The following PIBF1 variants were observed in gnomAD, a reference collection of about 807,000 sequenced individuals.
PIBF1 encodes progesterone-induced-blocking factor 1.
PIBF1 carries 90 observed loss-of-function variants against 112.5 expected under a neutral mutation model. The ratio of observed to expected loss-of-function variants is 0.80; its 90% CI spans 0.67 to 0.95. The LOEUF is 0.95. Among genes scored for constraint, PIBF1 ranks in the 40% least tolerant of loss-of-function variants. The pLI is 0.00. For synonymous variants in PIBF1, 301 were observed against 288.6 expected, an observed-to-expected ratio of 1.04 and a Z score of -0.44; for missense variants, 915 against 852.3, an observed-to-expected ratio of 1.07 and a Z score of -0.92.
chr13:72,880,212 A>G (rs1452749058), intron 10 of PIBF1, among the ~76,000 whole-genome samples: 7 of 152,210 alleles, frequency 4.6e-5, no homozygotes, highest in Non-Finnish European at 1.0e-4. Flanking sequence ...GTTTCTTGGT[A>G]AGGATAAGAT....
chr13:72,845,152 C>A (rs1003875030), intron 9 of PIBF1, among the ~76,000 whole-genome samples: 1 of 151,864 alleles, frequency 6.6e-6, no homozygotes, highest in African/African-American at 2.4e-5. Context: ...CCCCCACCCC[C>A]AAGTTGGCTC....
intron 2 of PIBF1, among the ~76,000 whole-genome samples, chr13:72,790,550 GATAGATAGA>G (rs1566272120): frequency 8.9e-5 from 12 of 135,400 alleles, no homozygotes; most frequent in African/African-American, 3.1e-4. Context: ...TAGATAGATA[GATAGATAGA>G]TAGATAAATC....
intron 5 of PIBF1, among the ~76,000 whole-genome samples, chr13:72,811,987 C>T (rs946521742): frequency 1.3e-5 from 2 of 151,912 alleles, no homozygotes; most frequent in African/African-American, 4.8e-5. Context: ...TTTTTTTTCC[C>T]TTTGCTACTG....
At chr13:72,825,585 G>T (rs1326482090) in intron 6 of PIBF1, among the ~76,000 whole-genome samples, 1 of 152,158 alleles carries the variant, frequency 6.6e-6, no homozygotes, top group Non-Finnish European at 1.5e-5. Flanking sequence ...ACTTCAGCAT[G>T]TACAGATTTG....
chr13:72,987,163 GAAGA>G (rs1307768369), intron 16 of PIBF1, among the ~76,000 whole-genome samples: 8 of 152,182 alleles, frequency 5.3e-5, no homozygotes, highest in Non-Finnish European at 1.2e-4. Context: ...GATGTTTAGA[GAAGA>G]TAAGACTTAG....
At chr13:73,002,461 C>A (rs1443832348) in intron 17 of PIBF1, among the ~76,000 whole-genome samples, 2 of 152,262 alleles carry the variant, frequency 1.3e-5, no homozygotes, top group East Asian at 3.9e-4. Flanking sequence ...TCACTTATCT[C>A]TTTCTTAGAA....
At chr13:72,870,141 C>T (rs1346850272) in intron 10 of PIBF1, among the ~76,000 whole-genome samples, 2 of 152,046 alleles carry the variant, frequency 1.3e-5, no homozygotes, top group Non-Finnish European at 2.9e-5. Flanking sequence ...ATAATAGAAC[C>T]TAATGGAAAT....
At chr13:73,003,768 G>A (rs1475689) in intron 17 of PIBF1, among the ~76,000 whole-genome samples, 42,253 of 151,960 alleles carry the variant, frequency 0.28, 7,276 homozygotes, top group East Asian at 0.57. Context: ...GGAGTGCAGT[G>A]GCATGAACAC....
At position 72,827,901 on chromosome 13, in the gene PIBF1, T is replaced by C. The variant is rs377456175; in HGVS notation, c.1084T>C (p.Tyr362His). The change falls in exon 8 of 18, where the codon TAT becomes CAT. Residue 362 changes from tyrosine to histidine, a missense_variant. Physicochemically the swap from Tyr to His is moderately conservative, Grantham distance 83. Transcript: ENST00000326291. The part of the protein sequence containing the change: ...KKAREEMYEK[Y>H]VASRDHYKTE... ...GGCTAGAGAAGAGATGTATGAAAAA[T>C]ATGTAGCATCCAGGCAAGATTTGCA... 1.8e-5 allele frequency: 28 copies of C among 1,569,872 alleles called. No individual in the cohort carries two copies. Among genetic ancestry groups the C allele is most frequent in the Non-Finnish European group, 2.4e-5 (28 of 1,156,882 alleles).
chr13:72,831,203 C>CAA (rs577899922), intron 8 of PIBF1, among the ~76,000 whole-genome samples: 1 of 148,778 alleles, frequency 6.7e-6, no homozygotes, highest in African/African-American at 2.5e-5. Context: ...TTGATCTTTA[C>CAA]AAAAAAAAAC....
At chr13:72,827,974 A>G in intron 8 of PIBF1, 60 bp downstream of exon 8, 3 of 1,245,084 alleles carry the variant, frequency 2.4e-6, no homozygotes, top group Non-Finnish European at 3.2e-6. Flanking sequence ...TCTTTGAGGG[A>G]ACTCTTGGCT....
At chr13:72,951,902 A>G (rs1594258557) in intron 14 of PIBF1, among the ~76,000 whole-genome samples, 1 of 152,080 alleles carries the variant, frequency 6.6e-6, no homozygotes, top group African/African-American at 2.4e-5. Flanking sequence ...GGGTTTCACC[A>G]TATTGGCCAG....
chr13:72,877,044 G>T (rs112231413), intron 10 of PIBF1, among the ~76,000 whole-genome samples: 1 of 152,090 alleles, frequency 6.6e-6, no homozygotes, highest in African/African-American at 2.4e-5. Context: ...ATCAAGTTGA[G>T]GAACTTCCCG....
In PIBF1 at chr13:72,999,332, T is replaced by A. The variant is rs531849323; in HGVS notation, c.2223+337T>A. ...GGTAAAATACCAAAAATATGTACAG[T>A]TATTATGTGCCAATTTTTAAAAATA... On this transcript the variant is annotated intron_variant, in intron 17 of 17. Coordinates refer to ENST00000326291, the MANE Select transcript of PIBF1 (RefSeq NM_006346.4). Among the ~76,000 whole-genome samples, 246 of 152,090 alleles carry A rather than the reference T, an allele frequency of 1.6e-3. 1 individual carries two copies. The highest frequency in any genetic ancestry group is 5.3e-3 in the African/African-American group (219 of 41,512).
chr13:72,904,807 T>C (rs11148925), intron 11 of PIBF1, among the ~76,000 whole-genome samples: 16,741 of 151,992 alleles, frequency 0.11, 1,265 homozygotes, highest in Non-Finnish European at 0.17. Flanking sequence ...AATACACTTA[T>C]AATACTAGGT....
intron 12 of PIBF1, among the ~76,000 whole-genome samples, chr13:72,915,719 GTC>G (rs1407732829): frequency 6.6e-6 from 1 of 152,078 alleles, no homozygotes; most frequent in South Asian, 2.1e-4. Flanking sequence ...TCTTCCATGT[GTC>G]TCTCTCAACT....
chr13:72,925,677 G>T (rs2041456807), intron 13 of PIBF1, among the ~76,000 whole-genome samples: 1 of 151,304 alleles, frequency 6.6e-6, no homozygotes, highest in African/African-American at 2.4e-5. Context: ...AAGTAGCTGG[G>T]ATTACAGGCG....
intron 11 of PIBF1, among the ~76,000 whole-genome samples, chr13:72,896,720 T>A (rs972898368): frequency 1.3e-5 from 2 of 152,154 alleles, no homozygotes; most frequent in Admixed American, 6.5e-5. Flanking sequence ...AGACAAGGTC[T>A]TCGAATTAAC....
chr13:72,945,374 G>T (rs958256057), intron 14 of PIBF1, among the ~76,000 whole-genome samples: 4 of 152,190 alleles, frequency 2.6e-5, no homozygotes, highest in African/African-American at 9.6e-5. Flanking sequence ...GTGTTTGGTA[G>T]ATGATTTATG....
Sources: gnomAD v4.1 joint callset for allele counts (sites outside exome capture counted in the v4.1 genomes callset) on GRCh38, gnomAD v4.1.1 for gene constraint, MANE v1.5 for transcripts, NCBI Gene and HGNC (gene_info 2026-07-23, HGNC 2026-07-21) for gene names.